Variants in THOP1 observed in about 807,000 individuals in gnomAD.
THOP1 encodes thimet oligopeptidase.
A neutral mutation model predicts 71.8 loss-of-function variants in THOP1; 49 were observed. That is an observed-to-expected ratio of 0.68 (90% CI 0.54 to 0.87). The LOEUF is 0.87. Ranked by LOEUF, THOP1 falls within the 40% of genes least tolerant of loss-of-function variation. The pLI is 0.00. For missense variants in THOP1, 843 were observed against 975.6 expected (o/e 0.86, Z 1.81); for synonymous variants, 426 against 421.5 (o/e 1.01, Z -0.13).
Position 2,811,738 on chromosome 19 carries a change from C to G in THOP1, c.1908+4C>G, listed in dbSNP as rs370199068. The G allele has an allele frequency of 6.4e-7, 1 of 1,574,228 alleles. No homozygotes were observed. The highest frequency in any genetic ancestry group is 8.6e-7 in the Non-Finnish European group (1 of 1,157,870). ...GGAGGGTGTCCTGAACAGCAAGGTA[C>G]GCGGGGACTGGGGACAGGGAGGGCG... On this transcript the variant is annotated splice_donor_region_variant and intron_variant, in intron 12 of 12. Coordinates refer to ENST00000307741, the MANE Select transcript of THOP1 (RefSeq NM_003249.5).
chr19:2,792,334 C>G (rs912837849), intron 2 of THOP1, among the ~76,000 whole-genome samples: 4 of 152,012 alleles, frequency 2.6e-5, no homozygotes, highest in Non-Finnish European at 5.9e-5. Flanking sequence ...CTCAAGCCAT[C>G]TTTAATTTTT....
Position 2,810,659 on chromosome 19 carries a change from G to T in THOP1, c.1662G>T (p.Gln554His). Residue 554 changes from glutamine (Q) to histidine (H), a missense_variant, in exon 11 of 13, where the codon CAG (glutamine) becomes CAT (histidine). By Grantham distance (24) the Gln-to-His change is conservative (BLOSUM62 0). Coordinates refer to ENST00000307741, the MANE Select transcript of THOP1 (RefSeq NM_003249.5). The stretch of plus-strand genomic sequence containing the variant: ...GCCCAGGCCTCTTCAACCTGCGCCA[G>T]ATCGTCCTCGCCAAGGTGGACCAGG... ...QANTGLFNLR[Q>H]IVLAKVDQAL... The T allele has an allele frequency of 6.4e-7, 1 of 1,557,268 alleles. No homozygotes were observed. Among genetic ancestry groups the T allele is most frequent in the Non-Finnish European group, 8.7e-7 (1 of 1,150,532 alleles).
intron 1 of THOP1, among the ~76,000 whole-genome samples, chr19:2,786,485 G>A (rs977554380): frequency 5.3e-5 from 8 of 152,032 alleles, no homozygotes; most frequent in African/African-American, 1.7e-4. Context: ...CAATCCACCT[G>A]CCTCGGCCTC....
intron 9 of THOP1, 187 bp from the exon 10 acceptor site, chr19:2,810,117 G>T: frequency 1.4e-6 from 1 of 705,140 alleles, no homozygotes; most frequent in Non-Finnish European, 2.3e-6. Context: ...TGCTGCCACC[G>T]GCAGCCAGCA....
At position 2,790,545 on chromosome 19, in the gene THOP1, G is replaced by A; in HGVS notation, c.141G>A (p.Val47=). Residue 47 remains valine, a synonymous_variant, in exon 2 of 13, where the codon GTG becomes GTA. Coordinates refer to ENST00000307741, the MANE Select transcript of THOP1 (RefSeq NM_003249.5). The part of the protein sequence containing the change: ...TRELIEQTKR[V]YDQVGTQEFE... ...AGCTCATCGAGCAGACCAAGCGCGT[G>A]TATGACCAGGTTGGCACCCAGGAGT... 1 of 1,607,986 alleles carries A rather than the reference G, an allele frequency of 6.2e-7. No homozygotes were observed. The highest frequency in any genetic ancestry group is 8.5e-7 in the Non-Finnish European group (1 of 1,177,492).
At chr19:2,787,952 G>T (rs1030011485) in intron 1 of THOP1, among the ~76,000 whole-genome samples, 15 of 152,198 alleles carry the variant, frequency 9.9e-5, no homozygotes, top group African/African-American at 3.6e-4. Flanking sequence ...TGATTTCGGA[G>T]TGCTGCCTCA....
chr19:2,802,802 C>G (rs939603377), intron 5 of THOP1, among the ~76,000 whole-genome samples: 1 of 152,242 alleles, frequency 6.6e-6, no homozygotes, highest in Non-Finnish European at 1.5e-5. Context: ...TCCCTCCTTG[C>G]CTGTCTTCTT....
chr19:2,793,100 G>C lies in THOP1; in HGVS notation c.230-1664G>C, dbSNP rs765885643. ...TGAGGCAGGAGAATCACTTGAACCC[G>C]GGAGGCGGAGGTGGCGGTGAGCCGA... is the stretch of plus-strand genomic sequence containing the variant. On this transcript the variant is annotated intron_variant, in intron 2 of 12. Transcript: ENST00000307741. Among the ~76,000 whole-genome samples the C allele has an allele frequency of 3.2e-4, 48 of 150,274 alleles. 1 individual carries two copies. Among genetic ancestry groups the C allele is most frequent in the African/African-American group, 1.1e-3 (46 of 40,708 alleles).
chr19:2,788,755 A>G (rs1364474067), intron 1 of THOP1, among the ~76,000 whole-genome samples: 1 of 152,170 alleles, frequency 6.6e-6, no homozygotes, highest in Non-Finnish European at 1.5e-5. Flanking sequence ...TTGGGATTAC[A>G]GGCACAAGCC....
chr19:2,799,684 T>G lies in THOP1; in HGVS notation c.487-5T>G, dbSNP rs774802072. 3.7e-6 allele frequency: 6 copies of G among 1,609,956 alleles called. No individual in the cohort carries two copies. The African/African-American group carries it at 8.0e-5, about 21-fold the overall frequency. On this transcript the variant is annotated splice_polypyrimidine_tract_variant and splice_region_variant and intron_variant, in intron 4 of 12. Coordinates refer to ENST00000307741, the MANE Select transcript of THOP1 (RefSeq NM_003249.5). ...CCTCCCCTCACGCCCCGCCTTTCTC[T>G]CCAGAACATCAAACGCATCAAGAAG...
At chr19:2,806,729 G>A (rs1200820905) in intron 6 of THOP1, 188 bp from the exon 7 acceptor site, 3 of 968,460 alleles carry the variant, frequency 3.1e-6, no homozygotes, top group African/African-American at 3.3e-5. Flanking sequence ...GTTCCAAAAA[G>A]GCCTTGGGAT....
At chr19:2,799,299 TG>T (rs1916088149) in intron 4 of THOP1, among the ~76,000 whole-genome samples, 1 of 152,192 alleles carries the variant, frequency 6.6e-6, no homozygotes, top group African/African-American at 2.4e-5. Flanking sequence ...CATTCCAGCC[TG>T]GGCAACAGAG....
chr19:2,799,158 T>C (rs1916085072), intron 4 of THOP1, among the ~76,000 whole-genome samples: 1 of 152,178 alleles, frequency 6.6e-6, no homozygotes, highest in African/African-American at 2.4e-5. Flanking sequence ...AAACCCCGTC[T>C]GTACCAAACA....
Position 2,805,274 on chromosome 19 carries a change from G to A in THOP1, c.750+98G>A. The A allele has an allele frequency of 1.4e-6, 2 of 1,385,194 alleles. No individual in the cohort carries two copies. The highest frequency in any genetic ancestry group is 1.9e-6 in the Non-Finnish European group (2 of 1,038,624). The allele number at this position is 1,385,194 out of a possible 1,614,324, so 85.8% of individuals were successfully genotyped here. Reference sequence around the variant, plus strand: ...TGAGGCACCTCCAGGCTTTGCACTTGGATGGCCTCCCAATCTCCCTGGCCA... The same window carrying A: ...TGAGGCACCTCCAGGCTTTGCACTTAGATGGCCTCCCAATCTCCCTGGCCA... On this transcript the variant is annotated intron_variant, in intron 6 of 12. Transcript: ENST00000307741. The surrounding 1 kb of genome is among the most constrained non-coding windows in gnomAD (Gnocchi z 6.6).
chr19:2,802,513 C>A (rs1916177762), intron 5 of THOP1, among the ~76,000 whole-genome samples: 1 of 145,886 alleles, frequency 6.9e-6, no homozygotes, highest in Non-Finnish European at 1.5e-5. Flanking sequence ...ACCAACACCT[C>A]ACGACACCCA....
intron 12 of THOP1, among the ~76,000 whole-genome samples, 192 bp from the exon 13 acceptor site, chr19:2,812,923 C>T (rs1193159778): frequency 6.6e-6 from 1 of 152,188 alleles, no homozygotes; most frequent in African/African-American, 2.4e-5. Flanking sequence ...AGTGCACACC[C>T]CCGCTCTGAG....
At position 2,815,149 on chromosome 19, in the gene THOP1, G is replaced by C. The variant is rs974773380; in HGVS notation, c.*1873G>C. On this transcript the variant is annotated 3_prime_UTR_variant, in exon 13 of 13. Coordinates refer to ENST00000307741, the MANE Select transcript of THOP1 (RefSeq NM_003249.5). ...GGGCAGAGGTGGAGATGGCAAGTCT[G>C]GGGGCTCCCTCATCTTCCCCTGCCC... 1.3e-5 allele frequency: 2 copies of C among 152,242 alleles called. No individual in the cohort carries two copies. The highest frequency in any genetic ancestry group is 2.9e-5 in the Non-Finnish European group (2 of 68,044). 9.4% of individuals were successfully genotyped at this position (152,242 alleles called of 1,614,324 possible). A position where few individuals can be genotyped will look rare whatever the true frequency, so the allele number is the denominator to read the frequency against.
chr19:2,809,112 G>A (rs1403473302), intron 9 of THOP1, among the ~76,000 whole-genome samples: 3 of 152,238 alleles, frequency 2.0e-5, no homozygotes, highest in Non-Finnish European at 2.9e-5. Flanking sequence ...AGAAGTGCAT[G>A]CAGACCTGTC....
intron 4 of THOP1, 140 bp downstream of exon 4, chr19:2,796,328 C>T (rs370706719): frequency 1.4e-5 from 9 of 643,162 alleles, no homozygotes; most frequent in African/African-American, 3.9e-5. Flanking sequence ...GGGGAGTGCT[C>T]GGCTCAGGGA....
Sources: allele counts gnomAD v4.1 joint callset (sites outside exome capture counted in the v4.1 genomes callset), GRCh38; gene constraint gnomAD v4.1.1; non-coding constraint Gnocchi (gnomAD v3.1); transcripts MANE v1.5; gene names NCBI Gene and HGNC (gene_info 2026-07-23, HGNC 2026-07-21).